Variants in ZNF544 observed in about 807,000 individuals in gnomAD.
ZNF544 encodes zinc finger protein 544, also known as zinc finger protein AF020591.
Under a neutral mutation model 13.5 loss-of-function variants are expected in ZNF544, and 10 were observed. That is an observed-to-expected ratio of 0.74 (90% CI 0.46 to 1.25). ZNF544 has a LOEUF of 1.25. Ranked by LOEUF, ZNF544 falls within the 50% of genes most tolerant of loss-of-function variation. The probability of loss-of-function intolerance (pLI) is 0.00; values close to 1 mark genes in which losing one functional copy is unlikely to be tolerated. For synonymous variants in ZNF544, 323 were observed against 300.5 expected (o/e 1.07, Z -0.77); for missense variants, 896 against 845.6 (o/e 1.06, Z -0.74).
At chr19:58,274,763 A>G (rs983449683) in intron 5 of ZNF544, among the ~76,000 whole-genome samples, 22 of 152,308 alleles carry the variant, frequency 1.4e-4, no homozygotes, top group Admixed American at 1.2e-3. Flanking sequence ...GCTTCACTTA[A>G]GGCAGTTGAG....
chr19:58,269,449 C>CA (rs989567677), intron 5 of ZNF544, among the ~76,000 whole-genome samples: 6 of 78,928 alleles, frequency 7.6e-5, no homozygotes, highest in African/African-American at 2.4e-4. Context: ...AAAAAACAAA[C>CA]AAAAAAAATG....
chr19:58,259,633 T>C lies in ZNF544; in HGVS notation c.245-1218T>C, dbSNP rs146937404. On this transcript the variant is annotated intron_variant, in intron 6 of 6. Transcript: ENST00000687789. ...CAGCATTCTTTCCAGTCTTCAGATA[T>C]CTTCTGCTGTGTCTTCTCATCACCT... 7 of 152,420 alleles carry C rather than the reference T, an allele frequency of 4.6e-5. No homozygotes were observed. The East Asian group carries it at 1.3e-3, about 29-fold the overall frequency. 9.4% of individuals were successfully genotyped at this position (152,420 alleles called of 1,614,324 possible). A position where few individuals can be genotyped will look rare whatever the true frequency, so the allele number is the denominator to read the frequency against.
chr19:58,271,830 C>T (rs150454309), intron 5 of ZNF544, among the ~76,000 whole-genome samples: 1 of 152,092 alleles, frequency 6.6e-6, no homozygotes, highest in East Asian at 1.9e-4. Flanking sequence ...CCTTTTGATT[C>T]GGTGTCTCTG....
At chr19:58,264,549 G>A (rs879801296), downstream of ZNF544, among the ~76,000 whole-genome samples, 66 of 151,730 alleles carry the variant, frequency 4.3e-4, no homozygotes, top group African/African-American at 1.2e-3. Context: ...AAAATTAGCC[G>A]GGTGTGGTGG....
At chr19:58,243,192 GGTCGAGTGAGC>G (rs1220393721) in intron 3 of ZNF544, among the ~76,000 whole-genome samples, 1 of 152,074 alleles carries the variant, frequency 6.6e-6, no homozygotes, top group Non-Finnish European at 1.5e-5. Flanking sequence ...GGCACCATCA[GGTCGAGTGAGC>G]GTAGTCATAT....
chr19:58,246,595 G>A (rs965375920), intron 5 of ZNF544, 116 bp from the exon 6 acceptor site: 7 of 1,463,580 alleles, frequency 4.8e-6, no homozygotes, highest in South Asian at 2.6e-5. Context: ...TTTGTGACTT[G>A]TAGTCCTAAC....
intron 6 of ZNF544, among the ~76,000 whole-genome samples, chr19:58,254,226 A>C (rs1350614186): frequency 6.6e-6 from 1 of 152,014 alleles, no homozygotes; most frequent in Admixed American, 6.6e-5. Flanking sequence ...TCCATCTCAA[A>C]AAAAAAAAGG....
At chr19:58,246,567 T>G (rs547467002) in intron 5 of ZNF544, 140 bp downstream of exon 5, 1 of 1,469,622 alleles carries the variant, frequency 6.8e-7, no homozygotes, top group Admixed American at 2.0e-5. Flanking sequence ...TTGCCCTTCA[T>G]TCTATCTCTG....
chr19:58,232,194 C>A (rs80335597), intron 3 of ZNF544, among the ~76,000 whole-genome samples: 1 of 151,982 alleles, frequency 6.6e-6, no homozygotes, highest in African/African-American at 2.4e-5. Context: ...GTTAAAGATA[C>A]GCTCTACTTA....
chr19:58,235,949 A>G (rs1419634849), intron 3 of ZNF544, among the ~76,000 whole-genome samples: 3 of 151,484 alleles, frequency 2.0e-5, no homozygotes, highest in African/African-American at 7.3e-5. Flanking sequence ...AATCCCAGCT[A>G]CTCGGGAGGC....
downstream of ZNF544, among the ~76,000 whole-genome samples, chr19:58,265,594 C>T (rs554596896): frequency 4.0e-5 from 6 of 149,370 alleles, 1 homozygote; most frequent in Admixed American, 6.7e-5. Context: ...CACACCCGGC[C>T]GCATTTATTT....
downstream of ZNF544, among the ~76,000 whole-genome samples, chr19:58,267,397 G>C (rs1001949202): frequency 2.0e-5 from 3 of 151,328 alleles, no homozygotes; most frequent in Non-Finnish European, 4.4e-5. Context: ...TAACGTAAAA[G>C]TGAGTCAAGA....
chr19:58,266,211 T>A (rs1426353422), downstream of ZNF544, among the ~76,000 whole-genome samples: 2 of 13,852 alleles, frequency 1.4e-4, no homozygotes, highest in Non-Finnish European at 3.0e-4. Context: ...AGACTCTGTC[T>A]CAAAAAAAAA....
chr19:58,242,975 G>A (rs1057399432), intron 3 of ZNF544, among the ~76,000 whole-genome samples: 7 of 152,028 alleles, frequency 4.6e-5, no homozygotes, highest in South Asian at 2.1e-4. Flanking sequence ...GATTACACGC[G>A]TGAGCCACCG....
chr19:58,229,326 C>A (rs2040681721), intron 1 of ZNF544, 142 bp from the exon 2 acceptor site: 1 of 149,628 alleles, frequency 6.7e-6, no homozygotes. Context: ...TGGGTGGGCC[C>A]TCCCGACAGA....
rs1392636090 is a variant in ZNF544 at position 58,263,001 on chromosome 19, G to A, written c.*247G>A. ...CACACTGGAGGCAAACCCTATGAAT[G>A]TGACCATTGCGAGAAAGCCTTTAGC... On this transcript the variant is annotated 3_prime_UTR_variant, in exon 7 of 7. Coordinates refer to ENST00000687789, the MANE Select transcript of ZNF544 (RefSeq NM_014480.4). 3 of 1,280,780 alleles carry A rather than the reference G, an allele frequency of 2.3e-6. No homozygotes were observed. Among genetic ancestry groups the A allele is most frequent in the East Asian group, 3.3e-5 (1 of 30,742 alleles). The allele number at this position is 1,280,780 out of a possible 1,614,324, so 79.3% of individuals were successfully genotyped here.
Position 58,262,401 on chromosome 19 carries a change from A to T in ZNF544, c.1795A>T (p.Thr599Ser). The stretch of plus-strand genomic sequence containing the variant: ...GTTAGTTGCACATAAAAGAACTCAC[A>T]CTGGAGAAAAGCCCTATGAATGTAA... ...YQLVAHKRTH[T>S]GEKPYECNEC... The change falls in exon 7 of 7, where the codon ACT becomes TCT. Residue 599 changes from threonine to serine, a missense_variant. Transcript: ENST00000687789. 1 of 1,614,226 alleles carries T rather than the reference A, an allele frequency of 6.2e-7. No homozygotes were observed. Among genetic ancestry groups the T allele is most frequent in the Non-Finnish European group, 8.5e-7 (1 of 1,180,040 alleles).
chr19:58,237,994 A>G (rs1028647529), intron 3 of ZNF544, among the ~76,000 whole-genome samples: 13 of 152,192 alleles, frequency 8.5e-5, no homozygotes, highest in African/African-American at 2.9e-4. Context: ...GTGCAATGGC[A>G]CGATCTCAGC....
chr19:58,232,704 C>T (rs530107827), intron 3 of ZNF544, among the ~76,000 whole-genome samples: 56 of 149,042 alleles, frequency 3.8e-4, no homozygotes, highest in African/African-American at 1.1e-3. Context: ...CCGAGGCGGC[C>T]GGATCACAAG....
Sources: allele counts gnomAD v4.1 joint callset (sites outside exome capture counted in the v4.1 genomes callset), GRCh38; gene constraint gnomAD v4.1.1; transcripts MANE v1.5; gene names NCBI Gene and HGNC (gene_info 2026-07-23, HGNC 2026-07-21).